The following RAB3C variants were observed in gnomAD, a reference collection of about 807,000 sequenced individuals.
RAB3C encodes RAB3C, member RAS oncogene family.
In RAB3C, 17 loss-of-function variants were observed where a neutral mutation model predicts 26.4. The ratio of observed to expected loss-of-function variants is 0.64; its 90% confidence interval spans 0.44 to 0.97. The LOEUF (loss-of-function observed/expected upper bound fraction) is 0.97, where lower values mean the gene tolerates loss of function less well. Ranked by LOEUF, RAB3C falls within the 50% of genes least tolerant of loss-of-function variation. The pLI is 0.00. For synonymous variants in RAB3C, 91 were observed against 95.9 expected, an observed-to-expected ratio of 0.95 and a Z score of 0.30; for missense variants, 242 against 281.9, an observed-to-expected ratio of 0.86 and a Z score of 1.01.
chr5:58,693,456 T>C (rs1365330541), intron 2 of RAB3C, among the ~76,000 whole-genome samples: 2 of 150,650 alleles, frequency 1.3e-5, no homozygotes, highest in Non-Finnish European at 3.0e-5. Flanking sequence ...CTATGAGAGG[T>C]AGGTCATAAT....
intron 2 of RAB3C, among the ~76,000 whole-genome samples, chr5:58,667,332 C>T (rs1748022475): frequency 6.6e-6 from 1 of 152,160 alleles, no homozygotes; most frequent in Admixed American, 6.5e-5. Context: ...GTTTTCCTGA[C>T]TTAAGGAAAT....
rs367852811 is a variant in RAB3C at position 58,727,383 on chromosome 5, A to G, written c.371+1263A>G. On this transcript the variant is annotated intron_variant, in intron 3 of 4. Transcript: ENST00000282878. ...TAAAAAAGACAAGTTTAAGATGTAT[A>G]TGAAAACATAAGTATCTTCCACTGA... Among the ~76,000 whole-genome samples, 37 of 152,170 alleles carry G rather than the reference A, an allele frequency of 2.4e-4. 1 individual carries two copies. In the South Asian group the frequency reaches 7.2e-3, roughly 30 times the overall value.
At chr5:58,651,653 C>G (rs1747651149) in intron 2 of RAB3C, among the ~76,000 whole-genome samples, 1 of 152,130 alleles carries the variant, frequency 6.6e-6, no homozygotes, top group African/African-American at 2.4e-5. Flanking sequence ...ATTCATTCAT[C>G]CAACAAACAT....
At chr5:58,703,889 A>G (rs886412205) in intron 2 of RAB3C, among the ~76,000 whole-genome samples, 1 of 152,238 alleles carries the variant, frequency 6.6e-6, no homozygotes, top group African/African-American at 2.4e-5. Flanking sequence ...CTCCCTAGAA[A>G]TCAGTTCCTT....
At chr5:58,781,008 T>G (rs2010273) in intron 3 of RAB3C, among the ~76,000 whole-genome samples, 73,437 of 151,692 alleles carry the variant, frequency 0.48, 18,977 homozygotes, top group South Asian at 0.63. Flanking sequence ...TTTGCTTCTG[T>G]CTAGGATTCC....
In RAB3C at chr5:58,593,023, C is replaced by A. The variant is rs75885224; in HGVS notation, c.24+9791C>A. Among the ~76,000 whole-genome samples the A allele has an allele frequency of 6.2e-4, 95 of 152,046 alleles. 1 individual carries two copies. In the East Asian group the frequency reaches 0.014, roughly 23 times the overall value. ...TCATCCAATTATTCTCTTCTTTTTC[C>A]TTTTGATATTGCCAATTACATGTAT... On this transcript the variant is annotated intron_variant, in intron 1 of 4. Transcript: ENST00000282878.
chr5:58,791,741 C>T (rs6897464), intron 3 of RAB3C, among the ~76,000 whole-genome samples: 83,013 of 151,990 alleles, frequency 0.55, 23,401 homozygotes, highest in South Asian at 0.62. Context: ...CAGGTCTCTA[C>T]CATCAGGTAT....
chr5:58,583,246 G>A lies in RAB3C; in HGVS notation c.24+14G>A. ...GCGCCCATGCAGGTGGGTCCATAAA[G>A]AAAGAGTGGCCTCGGGAGGAATTGA... On this transcript the variant is annotated intron_variant, in intron 1 of 4. Transcript: ENST00000282878. 6.2e-7 allele frequency: 1 copy of A among 1,614,192 alleles called. No individual in the cohort carries two copies. The highest frequency in any genetic ancestry group is 1.7e-5 in the Admixed American group (1 of 60,026).
intron 3 of RAB3C, among the ~76,000 whole-genome samples, chr5:58,787,477 T>C (rs1370788731): frequency 6.6e-6 from 1 of 152,230 alleles, no homozygotes; most frequent in Non-Finnish European, 1.5e-5. Context: ...TTTCTCACTT[T>C]CTAGAAGAAT....
At chr5:58,666,246 G>T (rs1300220191) in intron 2 of RAB3C, among the ~76,000 whole-genome samples, 1 of 152,108 alleles carries the variant, frequency 6.6e-6, no homozygotes, top group Middle Eastern at 3.2e-3. Context: ...TTATTTTATT[G>T]TTTGTAATGT....
At chr5:58,682,668 A>C (rs919819457) in intron 2 of RAB3C, among the ~76,000 whole-genome samples, 1 of 150,866 alleles carries the variant, frequency 6.6e-6, no homozygotes, top group East Asian at 2.0e-4. Flanking sequence ...TGGGCAACAG[A>C]GTGAGACTCC....
At chr5:58,592,374 ATTG>A (rs1384921175) in intron 1 of RAB3C, among the ~76,000 whole-genome samples, 27 of 152,154 alleles carry the variant, frequency 1.8e-4, no homozygotes, top group African/African-American at 5.8e-4. Context: ...TCTTTGTGAA[ATTG>A]TTGTCATATG....
At chr5:58,663,995 A>T (rs1223016350) in intron 2 of RAB3C, among the ~76,000 whole-genome samples, 1 of 152,166 alleles carries the variant, frequency 6.6e-6, no homozygotes, top group African/African-American at 2.4e-5. Context: ...TGAATGCATG[A>T]CATTTCATTC....
intron 2 of RAB3C, among the ~76,000 whole-genome samples, chr5:58,716,060 A>G (rs1003756594): frequency 6.7e-6 from 1 of 149,922 alleles, no homozygotes; most frequent in East Asian, 2.0e-4. Flanking sequence ...AAAAATAATA[A>G]ATAAATAAAT....
At chr5:58,813,273 A>G (rs1246718984) in intron 3 of RAB3C, among the ~76,000 whole-genome samples, 1 of 152,184 alleles carries the variant, frequency 6.6e-6, no homozygotes, top group Non-Finnish European at 1.5e-5. Flanking sequence ...TTATATATTT[A>G]TGATTATTGC....
chr5:58,637,399 G>A lies in RAB3C; in HGVS notation c.252+19529G>A, dbSNP rs138270710. 3.2e-3 allele frequency among the ~76,000 whole-genome samples: 487 copies of A among 151,848 alleles called. 2 individuals carry two copies. The highest frequency in any genetic ancestry group is 0.011 in the African/African-American group (446 of 41,384). ...CTAAATGACTAGATATTCATTATCC[G>A]GATATATTCTGTTGCTGGAACAGTA... On this transcript the variant is annotated intron_variant, in intron 2 of 4. Coordinates refer to ENST00000282878, the MANE Select transcript of RAB3C (RefSeq NM_138453.4).
chr5:58,690,845 A>G (rs1748556747), intron 2 of RAB3C, among the ~76,000 whole-genome samples: 1 of 152,150 alleles, frequency 6.6e-6, no homozygotes, highest in East Asian at 1.9e-4. Context: ...TCTTATTACT[A>G]TAGTTCTATT....
At chr5:58,596,799 T>C (rs1428298963) in intron 1 of RAB3C, among the ~76,000 whole-genome samples, 3 of 100,758 alleles carry the variant, frequency 3.0e-5, no homozygotes, top group African/African-American at 4.1e-5. Context: ...TATATATAAA[T>C]TTATAATATA....
intron 2 of RAB3C, among the ~76,000 whole-genome samples, chr5:58,627,439 T>C (rs2111740591): frequency 1.3e-5 from 1 of 75,456 alleles, no homozygotes; most frequent in East Asian, 3.2e-4. Context: ...CAGTCCGCAG[T>C]CCGGCCTGGG....
Sources: allele counts gnomAD v4.1 joint callset (sites outside exome capture counted in the v4.1 genomes callset), GRCh38; gene constraint gnomAD v4.1.1; transcripts MANE v1.5; gene names NCBI Gene and HGNC (gene_info 2026-07-23, HGNC 2026-07-21).